The following SH2B3 variants were observed in gnomAD, a reference collection of about 807,000 sequenced individuals.
SH2B3 encodes SH2B adapter protein 3.
A neutral mutation model predicts 51.9 loss-of-function variants in SH2B3; 43 were observed. The ratio of observed to expected loss-of-function variants is 0.83; its 90% CI spans 0.65 to 1.07. The LOEUF is 1.07. SH2B3 is among the 50% of genes least tolerant of loss of function. SH2B3 has a pLI of 0.00. For missense variants in SH2B3, 952 were observed against 834.3 expected, an observed-to-expected ratio of 1.14 and a Z score of -1.74; for synonymous variants, 396 against 376.0, an observed-to-expected ratio of 1.05 and a Z score of -0.62.
rs1874319761 is a variant in SH2B3 at position 111,448,751 on chromosome 12, A to G, written c.*449A>G. On this transcript the variant is annotated 3_prime_UTR_variant, in exon 8 of 8. Transcript: ENST00000341259. ...CGGTTCTCCCATCTACCGTCAGTCC[A>G]CATGGCAGGTCTGCTGTGTCCACAC... 3 of 179,350 alleles carry G rather than the reference A, an allele frequency of 1.7e-5. No homozygotes were observed. Among genetic ancestry groups the G allele is most frequent in the South Asian group, 1.2e-4 (1 of 8,470 alleles). 11.1% of individuals were successfully genotyped at this position (179,350 alleles called of 1,614,324 possible). A position where few individuals can be genotyped will look rare whatever the true frequency, so the allele number is the denominator to read the frequency against.
chr12:111,436,755 G>C (rs886667019), intron 2 of SH2B3, among the ~76,000 whole-genome samples: 4 of 152,086 alleles, frequency 2.6e-5, no homozygotes, highest in Admixed American at 6.5e-5. Context: ...CTGTCTCTCT[G>C]AGAGGGGGCT....
Position 111,447,553 on chromosome 12 carries a change from T to A in SH2B3, c.1236+9T>A. On this transcript the variant is annotated intron_variant, in intron 6 of 7. Coordinates refer to ENST00000341259, the MANE Select transcript of SH2B3 (RefSeq NM_005475.3). ...TTCAGGGGATAGCCAAGGTATGGGG[T>A]GGGGTGGGGTGGGGTGGGGCAGGCA... 3 of 188,590 alleles carry A rather than the reference T, an allele frequency of 1.6e-5. No homozygotes were observed. Among genetic ancestry groups the A allele is most frequent in the Admixed American group, 6.6e-5 (1 of 15,174 alleles). The allele number at this position is 188,590 out of a possible 1,614,324, so 11.7% of individuals were successfully genotyped here. A position where few individuals can be genotyped will look rare whatever the true frequency, so the allele number is the denominator to read the frequency against.
At chr12:111,420,929 G>C (rs1871498470) in intron 2 of SH2B3, among the ~76,000 whole-genome samples, 1 of 152,174 alleles carries the variant, frequency 6.6e-6, no homozygotes, top group African/African-American at 2.4e-5. Flanking sequence ...GTAACATGCA[G>C]ACCTGGAAGT....
At chr12:111,422,574 T>C (rs1871644270) in intron 2 of SH2B3, among the ~76,000 whole-genome samples, 1 of 151,374 alleles carries the variant, frequency 6.6e-6, no homozygotes, top group Non-Finnish European at 1.5e-5. Context: ...TTTTTTTTTT[T>C]TCTTGAGATG....
chr12:111,413,914 T>C (rs907040577), intron 1 of SH2B3, among the ~76,000 whole-genome samples: 3 of 152,332 alleles, frequency 2.0e-5, no homozygotes, highest in South Asian at 2.1e-4. Flanking sequence ...GCTTCTCTTA[T>C]GTGCAATTGG....
intron 2 of SH2B3, among the ~76,000 whole-genome samples, chr12:111,439,892 T>G (rs1160227739): frequency 6.6e-6 from 1 of 152,218 alleles, no homozygotes; most frequent in Admixed American, 6.5e-5. Flanking sequence ...TGAATACCCC[T>G]TTCCCCCAGC....
intron 2 of SH2B3, chr12:111,434,883 G>T: frequency 5.2e-6 from 8 of 1,535,562 alleles, no homozygotes; most frequent in Non-Finnish European, 7.0e-6. Context: ...AGTCCGTGCC[G>T]GGTGGAGCTC....
chr12:111,436,524 C>T (rs1016778301), intron 2 of SH2B3, among the ~76,000 whole-genome samples: 1 of 152,126 alleles, frequency 6.6e-6, no homozygotes, highest in African/African-American at 2.4e-5. Flanking sequence ...TGTAACTGGC[C>T]CCTCCACCCT....
At chr12:111,446,699 C>A in intron 2 of SH2B3, 54 bp from the exon 3 acceptor site, 5 of 1,009,866 alleles carry the variant, frequency 5.0e-6, no homozygotes, top group Non-Finnish European at 7.3e-6. Flanking sequence ...TCAGGCCTGG[C>A]TGGAAGAAAG....
Position 111,418,630 on chromosome 12 carries a change from C to A in SH2B3, c.485C>A (p.Ala162Asp). 6.8e-7 allele frequency: 1 copy of A among 1,466,310 alleles called. No individual in the cohort carries two copies. The highest frequency in any genetic ancestry group is 8.9e-7 in the Non-Finnish European group (1 of 1,117,960). The allele number at this position is 1,466,310 out of a possible 1,614,324, so 90.8% of individuals were successfully genotyped here. A position where few individuals can be genotyped will look rare whatever the true frequency, so the allele number is the denominator to read the frequency against. ...GELPAAHTAA[A>D]PGTPGEAAET... Reference sequence around the variant, plus strand: ...CTGCCAGCGGCCCACACCGCTGCCGCCCCCGGGACCCCCGGAGAGGCTGCT... The same window carrying A: ...CTGCCAGCGGCCCACACCGCTGCCGACCCCGGGACCCCCGGAGAGGCTGCT... The change falls in exon 2 of 8, where the codon GCC (alanine) becomes GAC (aspartate). Residue 162 changes from alanine to aspartate, a missense_variant. Transcript: ENST00000341259. This position sits in a 1 kb window ranked among gnomAD's most constrained non-coding sequence, Gnocchi z 6.7.
In SH2B3 at chr12:111,418,576, A is replaced by C; in HGVS notation, c.431A>C (p.His144Pro). The stretch of plus-strand genomic sequence containing the variant: ...CAGCACTTTCGCCGCAGCCTCCGCC[A>C]CATCTTCCGCCGCCGCTCGGCCGGG... ...SFQHFRRSLR[H>P]IFRRRSAGEL... Residue 144 changes from histidine (H) to proline (P), a missense_variant, in exon 2 of 8, where the codon CAC becomes CCC. Transcript: ENST00000341259. The surrounding 1 kb of genome is among the most constrained non-coding windows in gnomAD (Gnocchi z 6.7). 6.7e-7 allele frequency: 1 copy of C among 1,483,872 alleles called. No homozygotes were observed. The highest frequency in any genetic ancestry group is 8.9e-7 in the Non-Finnish European group (1 of 1,123,846). 91.9% of individuals were successfully genotyped at this position (1,483,872 alleles called of 1,614,324 possible).
intron 2 of SH2B3, among the ~76,000 whole-genome samples, chr12:111,440,938 C>T (rs1005252148): frequency 6.6e-6 from 1 of 152,210 alleles, no homozygotes; most frequent in Non-Finnish European, 1.5e-5. Flanking sequence ...CCTCTGGGAG[C>T]TCTGTTGCAC....
At chr12:111,416,010 C>T (rs927794283) in intron 1 of SH2B3, among the ~76,000 whole-genome samples, 2 of 152,062 alleles carry the variant, frequency 1.3e-5, no homozygotes, top group Admixed American at 1.3e-4. Context: ...GGCGTGATCT[C>T]GGCTCACTGC....
chr12:111,450,536 C>T lies in SH2B3; in HGVS notation c.*2234C>T, dbSNP rs1017555220. On this transcript the variant is annotated 3_prime_UTR_variant, in exon 8 of 8. Coordinates refer to ENST00000341259, the MANE Select transcript of SH2B3 (RefSeq NM_005475.3). ...CAGAAGTTAAACATCTGGGATATGACGTCTTCATGCCAGGGGCACTCATTT... is the reference window on the plus strand; with the variant it reads ...CAGAAGTTAAACATCTGGGATATGATGTCTTCATGCCAGGGGCACTCATTT... 2.6e-5 allele frequency: 4 copies of T among 152,232 alleles called. No homozygotes were observed. The highest frequency in any genetic ancestry group is 7.2e-5 in the African/African-American group (3 of 41,440). 9.4% of individuals were successfully genotyped at this position (152,232 alleles called of 1,614,324 possible).
chr12:111,416,378 T>C (rs1871091383), intron 1 of SH2B3, among the ~76,000 whole-genome samples: 1 of 152,222 alleles, frequency 6.6e-6, no homozygotes, highest in African/African-American at 2.4e-5. Flanking sequence ...AATATGCCTA[T>C]GAAGTAGGCA....
chr12:111,447,757 C>G lies in SH2B3; in HGVS notation c.1338C>G (p.Ile446Met). The G allele has an allele frequency of 1.2e-6, 2 of 1,614,156 alleles. No individual in the cohort carries two copies. Among genetic ancestry groups the G allele is most frequent in the Non-Finnish European group, 1.7e-6 (2 of 1,180,020 alleles). Residue 446 changes from isoleucine to methionine, a missense_variant, in exon 7 of 8, where the codon ATC becomes ATG. Coordinates refer to ENST00000341259, the MANE Select transcript of SH2B3 (RefSeq NM_005475.3). The stretch of plus-strand genomic sequence containing the variant: ...TCCACCACTTCCAGCGCTCGCCCAT[C>G]CCACTCGAGTGCGGCGCCGCCTGTG... ...DMLHHFQRSPIPLECGAACDV... is the reference protein window; with the variant it reads ...DMLHHFQRSPMPLECGAACDV...
chr12:111,416,340 G>A (rs960240679), intron 1 of SH2B3, among the ~76,000 whole-genome samples: 4 of 152,090 alleles, frequency 2.6e-5, no homozygotes, highest in African/African-American at 9.7e-5. Context: ...TACGTTCTAG[G>A]GCTTTACAGC....
Position 111,447,761 on chromosome 12 carries a change from C to T in SH2B3, c.1342C>T (p.Leu448Phe), listed in dbSNP as rs1251069657. 6.2e-7 allele frequency: 1 copy of T among 1,614,208 alleles called. No individual in the cohort carries two copies. Among genetic ancestry groups the T allele is most frequent in the Non-Finnish European group, 8.5e-7 (1 of 1,180,032 alleles). ...CCACTTCCAGCGCTCGCCCATCCCACTCGAGTGCGGCGCCGCCTGTGATGT... is the reference window on the plus strand; with the variant it reads ...CCACTTCCAGCGCTCGCCCATCCCATTCGAGTGCGGCGCCGCCTGTGATGT... ...LHHFQRSPIPLECGAACDVRL... is the reference protein window; with the variant it reads ...LHHFQRSPIPFECGAACDVRL... The change falls in exon 7 of 8, where the codon CTC (leucine) becomes TTC (phenylalanine). Residue 448 changes from leucine (L) to phenylalanine (F), a missense_variant. Leu to Phe is a conservative substitution (Grantham distance 22). Coordinates refer to ENST00000341259, the MANE Select transcript of SH2B3 (RefSeq NM_005475.3).
chr12:111,424,140 T>A (rs1268054309), intron 2 of SH2B3, among the ~76,000 whole-genome samples: 3 of 152,024 alleles, frequency 2.0e-5, no homozygotes, highest in African/African-American at 7.2e-5. Flanking sequence ...ATATAAAAAA[T>A]AAAAATAATC....
Sources: gnomAD v4.1 joint callset for allele counts (sites outside exome capture counted in the v4.1 genomes callset) on GRCh38, gnomAD v4.1.1 for gene constraint, Gnocchi (gnomAD v3.1) non-coding constraint, MANE v1.5 for transcripts, NCBI Gene and HGNC (gene_info 2026-07-23, HGNC 2026-07-21) for gene names.